Variants in PCBP2 observed in about 807,000 individuals in gnomAD.
PCBP2 encodes poly(rC) binding protein 2, also known as poly(rC)-binding protein 2.
PCBP2 carries 4 observed loss-of-function variants against 50.1 expected under a neutral mutation model. The ratio of observed to expected loss-of-function variants is 0.08; its 90% CI spans 0.04 to 0.18. The LOEUF is 0.18. Ranked by LOEUF, PCBP2 falls within the 10% of genes least tolerant of loss-of-function variation. The pLI, the probability that PCBP2 is intolerant of heterozygous loss-of-function variation, is 1.00. For missense variants in PCBP2, 161 were observed against 474.3 expected (o/e 0.34, Z 6.14); for synonymous variants, 179 against 168.0 (o/e 1.07, Z -0.51).
chr12:53,472,201 A>C (rs1385879613), intron 14 of PCBP2, among the ~76,000 whole-genome samples: 1 of 152,166 alleles, frequency 6.6e-6, no homozygotes, highest in East Asian at 1.9e-4. Context: ...TAATTGTAAT[A>C]AGGACATTGG....
chr12:53,457,910 A>C (rs1257930792), intron 5 of PCBP2, among the ~76,000 whole-genome samples: 3 of 152,126 alleles, frequency 2.0e-5, no homozygotes, highest in Admixed American at 6.5e-5. Flanking sequence ...GAATCAATAC[A>C]GTCAAATCTA....
chr12:53,459,810 A>G, intron 6 of PCBP2: 3 of 442,104 alleles, frequency 6.8e-6, no homozygotes, highest in Non-Finnish European at 1.4e-5. Flanking sequence ...GCTGGAGTGC[A>G]GTGGCGCAGT....
At chr12:53,465,039 C>A in intron 9 of PCBP2, 187 bp downstream of exon 9, 2 of 536,848 alleles carry the variant, frequency 3.7e-6, no homozygotes, top group Non-Finnish European at 2.9e-6. Flanking sequence ...ATGGTAACAC[C>A]AACTTTTTTT....
Position 53,461,613 on chromosome 12 carries a change from CTAT to C in PCBP2, c.504+475_504+477del, listed in dbSNP as rs1376597786. ...TGACTTACAAGGTCCTGATTATACA[CTAT>C]TATTCTATTAAAAGAATAGCAAAAT... is the stretch of plus-strand genomic sequence containing the variant. On this transcript the variant is annotated intron_variant, in intron 7 of 14. Coordinates refer to ENST00000546463, the MANE Select transcript of PCBP2 (RefSeq NM_031989.5). 3.9e-5 allele frequency among the ~76,000 whole-genome samples: 6 copies of C among 152,118 alleles called. No homozygotes were observed. In the South Asian group the frequency reaches 8.3e-4, roughly 21 times the overall value.
chr12:53,470,773 T>C lies in PCBP2; in HGVS notation c.883-865T>C, dbSNP rs75367426. Among the ~76,000 whole-genome samples the C allele has an allele frequency of 9.6e-4, 145 of 151,098 alleles. 1 individual carries two copies. Among genetic ancestry groups the C allele is most frequent in the African/African-American group, 2.9e-3 (119 of 41,158 alleles). On this transcript the variant is annotated intron_variant, in intron 13 of 14. Coordinates refer to ENST00000546463, the MANE Select transcript of PCBP2 (RefSeq NM_031989.5). ...GTTAACCAGTTTTTTTTTTTTTTTT[T>C]CCACCTTTTCCCAAGGCAAAAACAC...
At chr12:53,468,129 A>G (rs1037090567) in intron 12 of PCBP2, 5 of 345,556 alleles carry the variant, frequency 1.4e-5, no homozygotes, top group African/African-American at 1.1e-4. Flanking sequence ...GGGTACGGGT[A>G]TTTGCTGATG....
At chr12:53,466,653 C>T (rs529785745) in intron 10 of PCBP2, among the ~76,000 whole-genome samples, 3 of 152,128 alleles carry the variant, frequency 2.0e-5, no homozygotes, top group East Asian at 3.9e-4. Context: ...GGGAAGTAGA[C>T]GTGAAGAAGG....
At chr12:53,463,206 A>C (rs931548102) in intron 8 of PCBP2, among the ~76,000 whole-genome samples, 3 of 152,170 alleles carry the variant, frequency 2.0e-5, no homozygotes, top group African/African-American at 7.2e-5. Flanking sequence ...AGAACACCAA[A>C]GCACCACCGT....
At chr12:53,468,394 G>T in intron 12 of PCBP2, 1 of 249,986 alleles carries the variant, frequency 4.0e-6, no homozygotes, top group Non-Finnish European at 7.7e-6. Flanking sequence ...ATTGGCACTG[G>T]TGCTAGTGAG....
At chr12:53,467,482 A>C in intron 11 of PCBP2, 189 bp downstream of exon 11, 1 of 653,622 alleles carries the variant, frequency 1.5e-6, no homozygotes, top group Middle Eastern at 2.5e-4. Flanking sequence ...ATTTGGGGTC[A>C]GTTATTCTAA....
At chr12:53,469,015 G>A (rs1246846014) in intron 13 of PCBP2, among the ~76,000 whole-genome samples, 183 bp downstream of exon 13, 4 of 147,144 alleles carry the variant, frequency 2.7e-5, no homozygotes, top group Non-Finnish European at 5.9e-5. Context: ...CAATTCTCCT[G>A]CCTCAACCTC....
Position 53,459,264 on chromosome 12 carries a change from T to C in PCBP2, c.244-8T>C. The C allele has an allele frequency of 6.3e-7, 1 of 1,593,740 alleles. No individual in the cohort carries two copies. The highest frequency in any genetic ancestry group is 1.1e-5 in the South Asian group (1 of 89,092). ...ATCTGCTTATTGTGGTGTTCTTTCT[T>C]TCTGTAGGACATAAGCAGCTCTATG... On this transcript the variant is annotated splice_polypyrimidine_tract_variant and splice_region_variant and intron_variant, in intron 5 of 14. Coordinates refer to ENST00000546463, the MANE Select transcript of PCBP2 (RefSeq NM_031989.5).
intron 14 of PCBP2, chr12:53,475,375 T>G: frequency 2.8e-6 from 1 of 356,872 alleles, no homozygotes; most frequent in Non-Finnish European, 5.5e-6. Context: ...AACCCTTGTT[T>G]AGGTTTAGGC....
chr12:53,459,173 C>G (rs559456024), intron 5 of PCBP2, 99 bp from the exon 6 acceptor site: 1 of 1,032,848 alleles, frequency 9.7e-7, no homozygotes, highest in Admixed American at 2.6e-5. Context: ...CCTCGCATGT[C>G]CTAATAAGAT....
At chr12:53,456,363 T>TA (rs1204101876) in intron 5 of PCBP2, among the ~76,000 whole-genome samples, 4 of 151,120 alleles carry the variant, frequency 2.6e-5, no homozygotes, top group Admixed American at 6.6e-5. Context: ...GAGGCTGAGA[T>TA]AGGAGAAACG....
intron 13 of PCBP2, among the ~76,000 whole-genome samples, chr12:53,469,675 C>T (rs967443235): frequency 1.3e-5 from 2 of 151,592 alleles, no homozygotes; most frequent in African/African-American, 4.9e-5. Flanking sequence ...TGTGGTGAGC[C>T]GAGATCGCGC....
At chr12:53,477,060 T>C (rs572350183) in intron 14 of PCBP2, among the ~76,000 whole-genome samples, 3 of 152,238 alleles carry the variant, frequency 2.0e-5, no homozygotes, top group African/African-American at 7.2e-5. Flanking sequence ...CCCCATGTGG[T>C]CTTTTATCCT....
chr12:53,465,874 C>G (rs181746086), intron 9 of PCBP2, 58 bp from the exon 10 acceptor site: 7 of 1,377,472 alleles, frequency 5.1e-6, no homozygotes, highest in African/African-American at 4.3e-5. Context: ...CTTTTTCCCC[C>G]CACTGGGTGG....
intron 8 of PCBP2, among the ~76,000 whole-genome samples, chr12:53,464,146 C>G (rs536991458): frequency 6.6e-6 from 1 of 152,134 alleles, no homozygotes; most frequent in African/African-American, 2.4e-5. Flanking sequence ...TTTTCTTTCC[C>G]AGGAACTCCA....
Sources: gnomAD v4.1 joint callset for allele counts (sites outside exome capture counted in the v4.1 genomes callset) on GRCh38, gnomAD v4.1.1 for gene constraint, MANE v1.5 for transcripts, NCBI Gene and HGNC (gene_info 2026-07-23, HGNC 2026-07-21) for gene names.